The following SLC9A8 variants were observed in gnomAD, a reference collection of about 807,000 sequenced individuals.
The protein encoded by SLC9A8 is solute carrier family 9 member A8.
A neutral mutation model predicts 66.6 loss-of-function variants in SLC9A8; 48 were observed. The observed-to-expected ratio is 0.72, with a 90% CI of 0.57 to 0.92. SLC9A8 has a LOEUF of 0.92. Ranked by LOEUF, SLC9A8 falls within the 40% of genes least tolerant of loss-of-function variation. SLC9A8 has a pLI of 0.00. For synonymous variants in SLC9A8, 274 were observed against 282.6 expected (o/e 0.97, Z 0.31); for missense variants, 599 against 747.3 (o/e 0.80, Z 2.31).
At chr20:49,858,105 A>C (rs531189307) in intron 8 of SLC9A8, among the ~76,000 whole-genome samples, 1 of 152,268 alleles carries the variant, frequency 6.6e-6, no homozygotes, top group South Asian at 2.1e-4. Flanking sequence ...TACCCCAAAT[A>C]TTGTACTCTA....
intron 3 of SLC9A8, among the ~76,000 whole-genome samples, chr20:49,834,546 G>GA (rs1310767214): frequency 6.7e-6 from 1 of 148,562 alleles, no homozygotes; most frequent in East Asian, 2.0e-4. Context: ...CCAGTTGTGT[G>GA]AAATACATTC....
chr20:49,866,663 C>G (rs1393041070), intron 10 of SLC9A8, among the ~76,000 whole-genome samples: 1 of 150,736 alleles, frequency 6.6e-6, no homozygotes, highest in Non-Finnish European at 1.5e-5. Flanking sequence ...TTATAGCTTT[C>G]ATCAAATTTG....
rs535691972 is a variant in SLC9A8 at position 49,828,195 on chromosome 20, C to T, written c.289+5054C>T. On this transcript the variant is annotated intron_variant, in intron 3 of 15. Transcript: ENST00000361573. ...TCCCGGGTTCAAGTGATTCTCCTGC[C>T]TCAGCCTCCCGAGTAGCTGGGATTA... 7.7e-4 allele frequency among the ~76,000 whole-genome samples: 117 copies of T among 151,180 alleles called. 1 individual carries two copies. Among genetic ancestry groups the T allele is most frequent in the African/African-American group, 2.7e-3 (111 of 41,144 alleles).
At chr20:49,867,876 A>C (rs1430601133) in intron 10 of SLC9A8, among the ~76,000 whole-genome samples, 2 of 152,186 alleles carry the variant, frequency 1.3e-5, no homozygotes, top group Non-Finnish European at 2.9e-5. Context: ...AGTTGACAGA[A>C]CTTTTCTACC....
intron 3 of SLC9A8, among the ~76,000 whole-genome samples, chr20:49,835,679 CTTT>C (rs34461954): frequency 1.1e-4 from 8 of 71,960 alleles, no homozygotes; most frequent in African/African-American, 3.7e-4. Context: ...ACACAATTCA[CTTT>C]TTTTTTTTTT....
intron 8 of SLC9A8, among the ~76,000 whole-genome samples, chr20:49,857,833 G>A (rs1329770661): frequency 6.6e-6 from 1 of 152,060 alleles, no homozygotes; most frequent in African/African-American, 2.4e-5. Context: ...CATTTGCCCA[G>A]TTTTTGCCCT....
At position 49,820,036 on chromosome 20, in the gene SLC9A8, T is replaced by G. The variant is rs73269180; in HGVS notation, c.209-3025T>G. Among the ~76,000 whole-genome samples, 1,151 of 152,294 alleles carry G rather than the reference T, an allele frequency of 7.6e-3. 23 individuals carry two copies. Among genetic ancestry groups the G allele is most frequent in the African/African-American group, 0.026 (1,069 of 41,530 alleles). On this transcript the variant is annotated intron_variant, in intron 2 of 15. Coordinates refer to ENST00000361573, the MANE Select transcript of SLC9A8 (RefSeq NM_015266.3). ...GCTTTTGTGTGGATAAATGTTTTTA[T>G]TTCTTTTGGATATATACCTGCAAGT...
intron 3 of SLC9A8, chr20:49,830,161 A>G: frequency 1.3e-6 from 1 of 758,228 alleles, no homozygotes; most frequent in Non-Finnish European, 2.5e-6. Context: ...ATATGTGAAG[A>G]GGAAACTGGT....
chr20:49,858,261 A>G (rs966736937), intron 8 of SLC9A8, among the ~76,000 whole-genome samples: 2 of 151,920 alleles, frequency 1.3e-5, no homozygotes, highest in African/African-American at 2.4e-5. Context: ...AGAAATTTCT[A>G]TAGCTTTATT....
chr20:49,864,706 C>A, intron 9 of SLC9A8, 33 bp from the exon 10 acceptor site: 2 of 1,511,838 alleles, frequency 1.3e-6, no homozygotes, highest in Non-Finnish European at 1.8e-6. Context: ...TCAACTCTCC[C>A]TCGATTCTCC....
At chr20:49,854,544 A>G (rs1464960851) in intron 7 of SLC9A8, among the ~76,000 whole-genome samples, 1 of 103,984 alleles carries the variant, frequency 9.6e-6, no homozygotes, top group Non-Finnish European at 2.0e-5. Context: ...CGTCACCTCA[A>G]TTGATTTCCT....
chr20:49,812,945 A>C lies in SLC9A8; in HGVS notation c.23A>C (p.Glu8Ala). MGEKMAE[E>A]ERFPNTTHEG... ...AGGATGGGGGAGAAGATGGCGGAAG[A>C]GGAGTGAGTGGGCTTTTTCCCGGGC... is the stretch of plus-strand genomic sequence containing the variant. The change falls in exon 1 of 16, where the codon GAG (glutamate) becomes GCG (alanine). Residue 8 changes from glutamate (E) to alanine (A), a missense_variant. By Grantham distance (107) the Glu-to-Ala change is moderately radical. Around this residue, in one of 2 missense-constraint regions of SLC9A8, gnomAD observed 132 missense variants for 120.9 expected, o/e 1.09. Transcript: ENST00000361573. 2 of 1,448,084 alleles carry C rather than the reference A, an allele frequency of 1.4e-6. No homozygotes were observed. Among genetic ancestry groups the C allele is most frequent in the South Asian group, 2.7e-5 (2 of 75,290 alleles). The allele number at this position is 1,448,084 out of a possible 1,614,324, so 89.7% of individuals were successfully genotyped here.
At chr20:49,846,010 G>C (rs573386953) in intron 5 of SLC9A8, among the ~76,000 whole-genome samples, 1 of 151,852 alleles carries the variant, frequency 6.6e-6, no homozygotes, top group Non-Finnish European at 1.5e-5. Flanking sequence ...AATTTTTGTC[G>C]TTTTAGTAGA....
At chr20:49,844,122 C>T (rs188558090) in intron 4 of SLC9A8, among the ~76,000 whole-genome samples, 4 of 152,254 alleles carry the variant, frequency 2.6e-5, no homozygotes, top group South Asian at 2.1e-4. Context: ...AATTACCCAG[C>T]CTCAGGTATT....
intron 4 of SLC9A8, among the ~76,000 whole-genome samples, chr20:49,840,993 C>T (rs542052281): frequency 1.5e-3 from 227 of 151,260 alleles, no homozygotes; most frequent in Non-Finnish European, 2.7e-3. Flanking sequence ...TTTGAATTGA[C>T]TTTAAAACAA....
Position 49,878,062 on chromosome 20 carries a change from TAGTA to T in SLC9A8, c.1158+4_1158+7del, listed in dbSNP as rs2089489715. The T allele has an allele frequency of 7.0e-6, 11 of 1,569,510 alleles. No homozygotes were observed. The highest frequency in any genetic ancestry group is 8.6e-6 in the Non-Finnish European group (10 of 1,159,658). On this transcript the variant is annotated splice_donor_variant and splice_donor_region_variant and coding_sequence_variant and intron_variant, in exon 12 of 16. Transcript: ENST00000361573. LOFTEE classifies it high-confidence loss of function. Reference sequence around the variant, plus strand: ...GAAATTTCCTTTGTCATCTGGTGCATAGTAAGTATTTTCCTTTTTTTTTTTAAAT... The same window carrying T: ...GAAATTTCCTTTGTCATCTGGTGCATAGTATTTTCCTTTTTTTTTTTAAAT...
chr20:49,819,073 A>C (rs1056265083), intron 2 of SLC9A8, among the ~76,000 whole-genome samples: 1 of 152,224 alleles, frequency 6.6e-6, no homozygotes, highest in Non-Finnish European at 1.5e-5. Context: ...GATTTTTAGA[A>C]GCTTGAAATC....
chr20:49,820,156 G>A (rs1333274914), intron 2 of SLC9A8, among the ~76,000 whole-genome samples: 1 of 152,118 alleles, frequency 6.6e-6, no homozygotes, highest in East Asian at 1.9e-4. Flanking sequence ...AAGGGTTCCG[G>A]TTTCTCCATG....
chr20:49,876,884 G>T (rs1010591008), intron 11 of SLC9A8, among the ~76,000 whole-genome samples: 7 of 151,902 alleles, frequency 4.6e-5, no homozygotes, highest in Non-Finnish European at 7.4e-5. Context: ...GAGAGAGAAG[G>T]GGGGGTAAAT....
Sources: gnomAD v4.1 joint callset for allele counts (sites outside exome capture counted in the v4.1 genomes callset) on GRCh38, gnomAD v4.1.1 for gene constraint, gnomAD v4.1.1 regional missense constraint, MANE v1.5 for transcripts, NCBI Gene and HGNC (gene_info 2026-07-23, HGNC 2026-07-21) for gene names.